GIGYF2: variants seen among roughly 807,000 people sequenced by gnomAD.
GIGYF2 encodes the protein GRB10-interacting GYF protein 2.
GIGYF2 carries 25 observed loss-of-function variants against 208.1 expected under a neutral mutation model. That is an observed-to-expected ratio of 0.12 (90% confidence interval 0.09 to 0.17). The LOEUF (loss-of-function observed/expected upper bound fraction) is 0.17, where lower values mean the gene tolerates loss of function less well. Among genes scored for constraint, GIGYF2 ranks in the 10% least tolerant of loss-of-function variants. The pLI is 1.00. For synonymous variants in GIGYF2, 534 were observed against 543.8 expected, an observed-to-expected ratio of 0.98 and a Z score of 0.25; for missense variants, 1,302 against 1,579.4, an observed-to-expected ratio of 0.82 and a Z score of 2.98.
At chr2:232,789,934 A>G (rs909194746) in intron 9 of GIGYF2, among the ~76,000 whole-genome samples, 4 of 152,058 alleles carry the variant, frequency 2.6e-5, no homozygotes, top group Non-Finnish European at 5.9e-5. Flanking sequence ...TAGGGGTATT[A>G]TATGGATAGG....
intron 8 of GIGYF2, among the ~76,000 whole-genome samples, chr2:232,781,621 T>A (rs186953948): frequency 6.6e-6 from 1 of 152,276 alleles, no homozygotes; most frequent in East Asian, 1.9e-4. Context: ...GAAAACAAAT[T>A]TAGTTCTATG....
intron 8 of GIGYF2, among the ~76,000 whole-genome samples, chr2:232,772,711 T>C (rs79081434): frequency 0.023 from 3,546 of 152,286 alleles, 155 homozygotes; most frequent in African/African-American, 0.081. Flanking sequence ...TTGCTACAAT[T>C]CAGGACTATG....
In GIGYF2 at chr2:232,858,859, T is replaced by G. The variant is rs972013003; in HGVS notation, c.*1999T>G. On this transcript the variant is annotated 3_prime_UTR_variant, in exon 29 of 29. Transcript: ENST00000373563. ...TCTCTTTTTGACTCTCCCTTTCTGCTAACATGTGGATCAGCTCCTGCCCTC... is the reference window on the plus strand; with the variant it reads ...TCTCTTTTTGACTCTCCCTTTCTGCGAACATGTGGATCAGCTCCTGCCCTC... The G allele has an allele frequency of 6.8e-5, 19 of 279,540 alleles. No homozygotes were observed. In the Admixed American group the frequency reaches 9.1e-4, roughly 13 times the overall value. 17.3% of individuals were successfully genotyped at this position (279,540 alleles called of 1,614,324 possible).
intron 3 of GIGYF2, among the ~76,000 whole-genome samples, chr2:232,739,937 T>TAAA (rs34661108): frequency 0.15 from 16,713 of 111,288 alleles, 1,320 homozygotes; most frequent in South Asian, 0.27. Context: ...CCATCTCTGC[T>TAAA]AAAAAAAAAA....
intron 1 of GIGYF2, among the ~76,000 whole-genome samples, chr2:232,699,310 G>A (rs555767605): frequency 6.6e-6 from 1 of 152,334 alleles, no homozygotes; most frequent in African/African-American, 2.4e-5. Context: ...ATGGAGGCTA[G>A]CCTAGGCTGA....
intron 2 of GIGYF2, among the ~76,000 whole-genome samples, chr2:232,726,593 A>G (rs1010361857): frequency 6.6e-6 from 1 of 152,136 alleles, no homozygotes; most frequent in African/African-American, 2.4e-5. Flanking sequence ...AAGTTAAAAA[A>G]TAAATAAATA....
intron 16 of GIGYF2, chr2:232,810,606 A>C (rs983035120): frequency 1.9e-5 from 3 of 153,932 alleles, no homozygotes; most frequent in African/African-American, 7.2e-5. Context: ...TTATATTTAT[A>C]AGCAAAGTGT....
At chr2:232,753,440 G>A (rs1488978232) in intron 5 of GIGYF2, among the ~76,000 whole-genome samples, 2 of 151,970 alleles carry the variant, frequency 1.3e-5, no homozygotes, top group Non-Finnish European at 2.9e-5. Flanking sequence ...TGTAATTTTA[G>A]TGGAGATGGT....
At chr2:232,703,853 T>A (rs935262897) in intron 2 of GIGYF2, among the ~76,000 whole-genome samples, 3 of 152,222 alleles carry the variant, frequency 2.0e-5, no homozygotes, top group South Asian at 2.1e-4. Flanking sequence ...AGCACTTTTT[T>A]ACCAGCTGGC....
intron 13 of GIGYF2, 30 bp downstream of exon 13, chr2:232,794,974 C>A: frequency 6.7e-7 from 1 of 1,492,306 alleles, no homozygotes; most frequent in Non-Finnish European, 9.4e-7. Context: ...TTTTTGTCTC[C>A]TCTTAAACTG....
At position 232,844,434 on chromosome 2, in the gene GIGYF2, C is replaced by A; in HGVS notation, c.3165C>A (p.Asn1055Lys). ...GCTCTATAAATACTGGTCCTCCTAA[C>A]CAGTGGGCATCTGACCTAGTCAGTA... The part of the protein sequence containing the change: ...VWGSINTGPP[N>K]QWASDLVSSI... The change falls in exon 25 of 29, where the codon AAC becomes AAA. Residue 1055 changes from asparagine to lysine, a missense_variant. Asn to Lys is a moderately conservative substitution (Grantham distance 94). Coordinates refer to ENST00000373563, the MANE Select transcript of GIGYF2 (RefSeq NM_001103146.3). 1 of 1,613,100 alleles carries A rather than the reference C, an allele frequency of 6.2e-7. No homozygotes were observed. The highest frequency in any genetic ancestry group is 8.5e-7 in the Non-Finnish European group (1 of 1,179,062).
rs568435132 is a variant in GIGYF2 at position 232,774,274 on chromosome 2, T to C, written c.532+12838T>C. The stretch of plus-strand genomic sequence containing the variant: ...TGTGAATAATACAGTTTCATTTGAT[T>C]AGTTTTGTTCAAGAGCCGCTCCAGA... On this transcript the variant is annotated intron_variant, in intron 8 of 28. Transcript: ENST00000373563. Among the ~76,000 whole-genome samples the C allele has an allele frequency of 2.6e-5, 4 of 152,326 alleles. No homozygotes were observed. The South Asian group carries it at 6.2e-4, about 24-fold the overall frequency.
At chr2:232,780,887 A>G (rs1383370370) in intron 8 of GIGYF2, among the ~76,000 whole-genome samples, 1 of 152,202 alleles carries the variant, frequency 6.6e-6, no homozygotes, top group East Asian at 1.9e-4. Context: ...TTAGACGTGA[A>G]GGGAACTTAG....
At chr2:232,730,370 C>T (rs1206552329) in intron 2 of GIGYF2, among the ~76,000 whole-genome samples, 9 of 151,536 alleles carry the variant, frequency 5.9e-5, no homozygotes, top group South Asian at 2.1e-4. Context: ...TTTGGGAGGC[C>T]GAGGCAGGTG....
chr2:232,778,967 G>C (rs1699620945), intron 8 of GIGYF2, among the ~76,000 whole-genome samples: 1 of 152,084 alleles, frequency 6.6e-6, no homozygotes, highest in Non-Finnish European at 1.5e-5. Context: ...TTTGAGATAA[G>C]GGGGCATCAG....
In GIGYF2 at chr2:232,737,733, G is replaced by A. The variant is rs144761368; in HGVS notation, c.41+2495G>A. ...GCAATTAACTCTAAATGAGACAGAA[G>A]CACTAAGTGATACGGTGTTTATTAA... On this transcript the variant is annotated intron_variant, in intron 3 of 28. Coordinates refer to ENST00000373563, the MANE Select transcript of GIGYF2 (RefSeq NM_001103146.3). 3.0e-3 allele frequency among the ~76,000 whole-genome samples: 463 copies of A among 152,132 alleles called. 1 individual carries two copies. The highest frequency in any genetic ancestry group is 0.011 in the African/African-American group (446 of 41,496).
chr2:232,787,441 C>G, intron 9 of GIGYF2, 112 bp downstream of exon 9: 2 of 933,692 alleles, frequency 2.1e-6, no homozygotes, highest in Non-Finnish European at 3.4e-6. Context: ...GGGGTGGATT[C>G]ATATTATTTA....
chr2:232,824,236 C>G (rs938134786), intron 21 of GIGYF2, among the ~76,000 whole-genome samples: 1 of 152,198 alleles, frequency 6.6e-6, no homozygotes, highest in Non-Finnish European at 1.5e-5. Context: ...ATGTCTCACA[C>G]TTTAAATTGA....
rs570472418 is a variant in GIGYF2 at position 232,859,916 on chromosome 2, G to A, written c.*3056G>A. The A allele has an allele frequency of 3.3e-5, 5 of 152,132 alleles. No individual in the cohort carries two copies. Among genetic ancestry groups the A allele is most frequent in the Admixed American group, 3.3e-4 (5 of 15,280 alleles). The allele number at this position is 152,132 out of a possible 1,614,324, so 9.4% of individuals were successfully genotyped here. A position where few individuals can be genotyped will look rare whatever the true frequency, so the allele number is the denominator to read the frequency against. Reference sequence around the variant, plus strand: ...GCTCTTAGCTCAGGAGTCACATAGAGTCACTTCTGTGACACTGTGTTGCAT... The same window carrying A: ...GCTCTTAGCTCAGGAGTCACATAGAATCACTTCTGTGACACTGTGTTGCAT... On this transcript the variant is annotated 3_prime_UTR_variant, in exon 29 of 29. Coordinates refer to ENST00000373563, the MANE Select transcript of GIGYF2 (RefSeq NM_001103146.3).
Sources: allele counts gnomAD v4.1 joint callset (sites outside exome capture counted in the v4.1 genomes callset), GRCh38; gene constraint gnomAD v4.1.1; transcripts MANE v1.5; gene names NCBI Gene and HGNC (gene_info 2026-07-23, HGNC 2026-07-21).